DLGAP1: variants seen among roughly 807,000 people sequenced by gnomAD.
The protein encoded by DLGAP1 is DLG associated protein 1.
A neutral mutation model predicts 90.8 loss-of-function variants in DLGAP1; 11 were observed. The observed-to-expected ratio is 0.12, with a 90% CI of 0.08 to 0.20. DLGAP1 has a LOEUF of 0.20. Among genes scored for constraint, DLGAP1 ranks in the 10% least tolerant of loss-of-function variants. The pLI, the probability that DLGAP1 is intolerant of heterozygous loss-of-function variation, is 1.00. For synonymous variants in DLGAP1, 558 were observed against 540.7 expected (o/e 1.03, Z -0.44); for missense variants, 1,050 against 1,333.8 (o/e 0.79, Z 3.31).
chr18:4,282,924 T>C (rs1347094390), intron 1 of DLGAP1, among the ~76,000 whole-genome samples: 10 of 152,226 alleles, frequency 6.6e-5, no homozygotes. Context: ...AGTCATGTCA[T>C]TTTATCCTAT....
In DLGAP1 at chr18:4,084,838, C is replaced by G. The variant is rs1255457744; in HGVS notation, c.-159+66342G>C. Among the ~76,000 whole-genome samples, 2 of 152,152 alleles carry G rather than the reference C, an allele frequency of 1.3e-5. No individual in the cohort carries two copies. Among genetic ancestry groups the G allele is most frequent in the African/African-American group, 4.8e-5 (2 of 41,430 alleles). ...TCTTTGTCAGTTTGATTTTTAGACC[C>G]AGCCAAGGGACCCTAGGAAGAGTGA... On this transcript the variant is annotated intron_variant, in intron 2 of 12. Transcript: ENST00000315677. This position sits in a 1 kb window ranked among gnomAD's most constrained non-coding sequence, Gnocchi z 4.0.
intron 3 of DLGAP1, among the ~76,000 whole-genome samples, chr18:3,981,673 T>C (rs1401790063): frequency 6.6e-6 from 1 of 152,192 alleles, no homozygotes; most frequent in African/African-American, 2.4e-5. Context: ...TCCAATGCCC[T>C]TCAGATTCTG....
intron 9 of DLGAP1, among the ~76,000 whole-genome samples, chr18:3,564,035 C>T (rs190028700): frequency 3.9e-5 from 6 of 152,072 alleles, no homozygotes; most frequent in Admixed American, 1.3e-4. Context: ...AATCTTGGCC[C>T]GGTAATTCCA....
chr18:3,592,668 G>A (rs1170086895), intron 7 of DLGAP1, among the ~76,000 whole-genome samples: 7 of 151,134 alleles, frequency 4.6e-5, no homozygotes, highest in Non-Finnish European at 8.9e-5. Flanking sequence ...GTGAGACCTC[G>A]TCTCAAAAAA....
chr18:3,756,124 A>G (rs1226012632), intron 5 of DLGAP1, among the ~76,000 whole-genome samples: 5 of 151,744 alleles, frequency 3.3e-5, no homozygotes, highest in Non-Finnish European at 1.5e-5. Flanking sequence ...ATCTTGGCTC[A>G]CTGCAAGCTC....
At chr18:3,582,967 G>A (rs987388043) in intron 7 of DLGAP1, among the ~76,000 whole-genome samples, 2 of 151,144 alleles carry the variant, frequency 1.3e-5, no homozygotes, top group African/African-American at 4.9e-5. Context: ...TGTTGCCCAG[G>A]CTGGTCTTGA....
At position 3,534,612 on chromosome 18, in the gene DLGAP1, G is replaced by A. The variant is rs577003415; in HGVS notation, c.2061C>T (p.Phe687=). The change falls in exon 10 of 13, where the codon TTC becomes TTT. Residue 687 remains phenylalanine (F), a synonymous_variant. Transcript: ENST00000315677. ...VGVQVEEEKC[F]RRFTRSNSVT... ...CACTGTTGGATCGAGTGAACCTGCGGAAGCTTGGGAGAATAGAAAAAAGAA... is the reference window on the plus strand; with the variant it reads ...CACTGTTGGATCGAGTGAACCTGCGAAAGCTTGGGAGAATAGAAAAAAGAA... 7 of 1,551,602 alleles carry A rather than the reference G, an allele frequency of 4.5e-6. No homozygotes were observed. The East Asian group carries it at 6.8e-5, about 15-fold the overall frequency.
intron 1 of DLGAP1, among the ~76,000 whole-genome samples, chr18:4,188,720 G>A (rs1187661495): frequency 2.0e-5 from 3 of 152,110 alleles, no homozygotes; most frequent in Non-Finnish European, 4.4e-5. Flanking sequence ...AGTCATTGAC[G>A]GGCATTTGGA....
At chr18:3,550,898 C>T (rs1331606429) in intron 9 of DLGAP1, among the ~76,000 whole-genome samples, 19 of 151,618 alleles carry the variant, frequency 1.3e-4, no homozygotes, top group Non-Finnish European at 2.6e-4. Flanking sequence ...CCCACCACCA[C>T]GCCTGGCTAA....
intron 1 of DLGAP1, among the ~76,000 whole-genome samples, chr18:4,270,761 T>G (rs2145353361): frequency 6.6e-6 from 1 of 152,294 alleles, no homozygotes; most frequent in East Asian, 1.9e-4. Flanking sequence ...ATAAGCTTAC[T>G]TTCCAAAAGT....
intron 1 of DLGAP1, among the ~76,000 whole-genome samples, chr18:4,380,821 G>C (rs1049983089): frequency 7.2e-5 from 11 of 152,148 alleles, no homozygotes; most frequent in African/African-American, 2.2e-4. Context: ...CACTGTTCCA[G>C]CATCAGGACT....
rs535664432 is a variant in DLGAP1 at position 3,558,098 on chromosome 18, A to G, written c.2057+9392T>C. On this transcript the variant is annotated intron_variant, in intron 9 of 12. Transcript: ENST00000315677. ...CTGTTCAGTAGTGTTGTTGCATTCA[A>G]CTGTGTGCTTACTGATGTTCTGCCT... 3.3e-5 allele frequency among the ~76,000 whole-genome samples: 5 copies of G among 152,324 alleles called. No individual in the cohort carries two copies. In the East Asian group the frequency reaches 9.6e-4, roughly 29 times the overall value.
At chr18:3,655,003 T>C (rs1431277973) in intron 7 of DLGAP1, among the ~76,000 whole-genome samples, 1 of 139,816 alleles carries the variant, frequency 7.2e-6, no homozygotes, top group Non-Finnish European at 1.5e-5. Context: ...GCCAGTCCCA[T>C]GGGTACATAA....
chr18:3,609,572 C>T (rs182825625), intron 7 of DLGAP1, among the ~76,000 whole-genome samples: 89 of 152,264 alleles, frequency 5.8e-4, no homozygotes, highest in African/African-American at 1.4e-3. Flanking sequence ...ATTAAATCAT[C>T]TTTTCCTGAG....
intron 10 of DLGAP1, among the ~76,000 whole-genome samples, chr18:3,515,727 C>T (rs985449874): frequency 9.0e-5 from 13 of 144,760 alleles, no homozygotes; most frequent in Admixed American, 5.0e-4. Flanking sequence ...TGCAGTGAGC[C>T]GTGATTGTGC....
chr18:4,036,410 A>G (rs2074889830), intron 2 of DLGAP1, among the ~76,000 whole-genome samples: 1 of 152,252 alleles, frequency 6.6e-6, no homozygotes, highest in Non-Finnish European at 1.5e-5. Flanking sequence ...ACATAGTTAG[A>G]AAAGATTTTT....
intron 7 of DLGAP1, among the ~76,000 whole-genome samples, chr18:3,646,342 G>C (rs2059114974): frequency 6.6e-6 from 1 of 152,028 alleles, no homozygotes; most frequent in African/African-American, 2.4e-5. Flanking sequence ...ACAGTGAGCT[G>C]AGATTGTATC....
intron 6 of DLGAP1, among the ~76,000 whole-genome samples, chr18:3,731,929 T>C (rs1217934219): frequency 2.6e-5 from 4 of 152,158 alleles, no homozygotes. Flanking sequence ...CTCCCTCTAA[T>C]AGTGCTTAAC....
At chr18:3,617,904 G>C (rs2057936835) in intron 7 of DLGAP1, among the ~76,000 whole-genome samples, 1 of 152,168 alleles carries the variant, frequency 6.6e-6, no homozygotes, top group African/African-American at 2.4e-5. Context: ...GGGCGTGGTG[G>C]CAGGCGCCTG....
Sources: gnomAD v4.1 joint callset for allele counts (sites outside exome capture counted in the v4.1 genomes callset) on GRCh38, gnomAD v4.1.1 for gene constraint, Gnocchi (gnomAD v3.1) non-coding constraint, MANE v1.5 for transcripts, NCBI Gene and HGNC (gene_info 2026-07-23, HGNC 2026-07-21) for gene names.